The following HIVEP3 variants were observed in gnomAD, a reference collection of about 807,000 sequenced individuals.
The protein encoded by HIVEP3 is transcription factor HIVEP3.
In HIVEP3, 49 loss-of-function variants were observed where a neutral mutation model predicts 152.8. That is an observed-to-expected ratio of 0.32 (90% CI 0.26 to 0.41). The LOEUF (loss-of-function observed/expected upper bound fraction) is 0.41. HIVEP3 is among the 10% of genes least tolerant of loss of function. The pLI is 1.00. For missense variants in HIVEP3, 2,790 were observed against 3,103.3 expected, an observed-to-expected ratio of 0.90 and a Z score of 2.40; for synonymous variants, 1,269 against 1,289.0, an observed-to-expected ratio of 0.98 and a Z score of 0.33.
At chr1:41,838,732 A>G in intron 1 of HIVEP3, among the ~76,000 whole-genome samples, 1 of 152,206 alleles carries the variant, frequency 6.6e-6, no homozygotes, top group East Asian at 1.9e-4. Context: ...TACCAGTATC[A>G]GGGATCCATG....
intron 1 of HIVEP3, among the ~76,000 whole-genome samples, chr1:41,875,997 C>T (rs922635795): frequency 1.3e-5 from 2 of 152,254 alleles, no homozygotes; most frequent in South Asian, 2.1e-4. Context: ...ACTCTAGTCA[C>T]ATCTACAAAA....
chr1:41,907,383 A>G (rs1644731043), intron 1 of HIVEP3, among the ~76,000 whole-genome samples: 1 of 152,174 alleles, frequency 6.6e-6, no homozygotes, highest in Non-Finnish European at 1.5e-5. Context: ...AGCTCTTACC[A>G]CCTTGAACTC....
intron 1 of HIVEP3, among the ~76,000 whole-genome samples, chr1:41,773,189 T>G (rs753206732): frequency 2.0e-5 from 3 of 152,190 alleles, no homozygotes; most frequent in Non-Finnish European, 2.9e-5. Context: ...CTTTGGAAGG[T>G]GTGGACTATT....
intron 3 of HIVEP3, among the ~76,000 whole-genome samples, chr1:41,608,934 A>AT (rs1644859552): frequency 6.6e-6 from 1 of 151,604 alleles, no homozygotes; most frequent in Non-Finnish European, 1.5e-5. Context: ...AAAAAAAAAA[A>AT]ATAGCCAGGT....
At chr1:41,760,168 C>G (rs72959373) in intron 1 of HIVEP3, among the ~76,000 whole-genome samples, 1,803 of 152,234 alleles carry the variant, frequency 0.012, 45 homozygotes, top group African/African-American at 0.042. Flanking sequence ...GCCTGGGCAA[C>G]ATAGTGAGGC....
At chr1:41,981,878 G>A (rs1008917990) in intron 1 of HIVEP3, among the ~76,000 whole-genome samples, 4 of 152,162 alleles carry the variant, frequency 2.6e-5, no homozygotes, top group Admixed American at 1.3e-4. Flanking sequence ...TCAGGCCAAG[G>A]GGACAGCTGC....
intron 2 of HIVEP3, among the ~76,000 whole-genome samples, chr1:41,676,992 G>T (rs74071909): frequency 0.038 from 5,839 of 152,302 alleles, 131 homozygotes; most frequent in Middle Eastern, 0.065. Context: ...GTGTTATGCC[G>T]TGTGGAGGAT....
At chr1:41,885,069 A>G (rs1644323238) in intron 1 of HIVEP3, among the ~76,000 whole-genome samples, 1 of 152,170 alleles carries the variant, frequency 6.6e-6, no homozygotes, top group African/African-American at 2.4e-5. Flanking sequence ...CAAGCTCTGC[A>G]CCAGCTGAGA....
chr1:41,571,741 C>T (rs35408909), intron 5 of HIVEP3, among the ~76,000 whole-genome samples: 5,566 of 152,206 alleles, frequency 0.037, 154 homozygotes, highest in Middle Eastern at 0.1. Context: ...TTGGCAATGG[C>T]AGGGCCCAGC....
At chr1:41,572,838 A>G (rs909581670) in intron 5 of HIVEP3, among the ~76,000 whole-genome samples, 3 of 152,260 alleles carry the variant, frequency 2.0e-5, no homozygotes, top group Non-Finnish European at 1.5e-5. Flanking sequence ...CGTCAAAAAC[A>G]CTGTTGAGTA....
chr1:41,688,324 C>A (rs2124103661), intron 2 of HIVEP3, among the ~76,000 whole-genome samples: 1 of 152,354 alleles, frequency 6.6e-6, no homozygotes, highest in African/African-American at 2.4e-5. Flanking sequence ...CTGAACAAAA[C>A]AGGACTCTTT....
intron 3 of HIVEP3, among the ~76,000 whole-genome samples, chr1:41,616,691 G>A (rs917181857): frequency 7.6e-6 from 1 of 131,476 alleles, no homozygotes; most frequent in African/African-American, 2.9e-5. Flanking sequence ...GGCCTCAAAT[G>A]ATCCTCCCGC....
intron 5 of HIVEP3, among the ~76,000 whole-genome samples, chr1:41,566,513 CT>C (rs1375797777): frequency 6.6e-6 from 1 of 152,218 alleles, no homozygotes; most frequent in African/African-American, 2.4e-5. Flanking sequence ...TCTGCTCCAG[CT>C]CACACTCCCT....
At chr1:41,573,752 T>A (rs1644285408) in intron 5 of HIVEP3, among the ~76,000 whole-genome samples, 1 of 152,028 alleles carries the variant, frequency 6.6e-6, no homozygotes. Flanking sequence ...ATAAAGAAAC[T>A]GAGGGCGGGA....
chr1:41,594,703 G>A (rs71518457), intron 3 of HIVEP3, among the ~76,000 whole-genome samples: 3,604 of 152,176 alleles, frequency 0.024, 67 homozygotes, highest in Middle Eastern at 0.082. Flanking sequence ...ATTAGTCTTA[G>A]CTGTACAGAA....
chr1:41,895,628 T>G (rs1210333983), intron 1 of HIVEP3, among the ~76,000 whole-genome samples: 1 of 152,084 alleles, frequency 6.6e-6, no homozygotes, highest in Non-Finnish European at 1.5e-5. Flanking sequence ...TGTTTAGAGG[T>G]GTAACTGGAC....
chr1:41,554,908 C>T (rs369644851), intron 5 of HIVEP3, among the ~76,000 whole-genome samples: 1 of 152,170 alleles, frequency 6.6e-6, no homozygotes, highest in African/African-American at 2.4e-5. Context: ...TGATAGTCGG[C>T]CCCTACTGGG....
At chr1:41,526,611 A>AGG (rs1558027735) in intron 5 of HIVEP3, among the ~76,000 whole-genome samples, 84 of 8,202 alleles carry the variant, frequency 0.01, no homozygotes, top group African/African-American at 0.018. Context: ...ACCTGCTCCC[A>AGG]CCCCCACCTT....
chr1:41,630,072 A>G (rs1250172613), intron 2 of HIVEP3, among the ~76,000 whole-genome samples: 1 of 152,258 alleles, frequency 6.6e-6, no homozygotes, highest in Admixed American at 6.5e-5. Flanking sequence ...TGATGCATAT[A>G]CACCATGGAA....
Sources: gnomAD v4.1 joint callset for allele counts (sites outside exome capture counted in the v4.1 genomes callset) on GRCh38, gnomAD v4.1.1 for gene constraint, MANE v1.5 for transcripts, NCBI Gene and HGNC (gene_info 2026-07-23, HGNC 2026-07-21) for gene names.